RUVBL1: variants seen among roughly 807,000 people sequenced by gnomAD.
RUVBL1 encodes RuvB like AAA ATPase 1.
Under a neutral mutation model 52.4 loss-of-function variants are expected in RUVBL1, and 4 were observed. The observed-to-expected ratio is 0.08, with a 90% CI of 0.04 to 0.17. RUVBL1 has a LOEUF of 0.17. Among genes scored for constraint, RUVBL1 ranks in the 10% least tolerant of loss-of-function variants. The pLI, the probability that RUVBL1 is intolerant of heterozygous loss-of-function variation, is 1.00. For synonymous variants in RUVBL1, 217 were observed against 214.4 expected (o/e 1.01, Z -0.10); for missense variants, 298 against 572.8 (o/e 0.52, Z 4.90).
chr3:128,068,538 C>T (rs1942054316), intron 9 of RUVBL1: 1 of 160,998 alleles, frequency 6.2e-6, no homozygotes, highest in African/African-American at 2.4e-5. Context: ...TGATGTGCAT[C>T]TGAAGCAGGG....
At chr3:128,119,691 C>T (rs1273544323) in intron 1 of RUVBL1, among the ~76,000 whole-genome samples, 2 of 152,156 alleles carry the variant, frequency 1.3e-5, no homozygotes, top group Admixed American at 1.3e-4. Flanking sequence ...TGAGAGAGAA[C>T]GAGTGGCTAG....
chr3:128,105,570 C>T (rs1943212365), intron 3 of RUVBL1, among the ~76,000 whole-genome samples: 1 of 152,120 alleles, frequency 6.6e-6, no homozygotes, highest in African/African-American at 2.4e-5. Context: ...TATTCTATTC[C>T]ACCAGAACAG....
intron 1 of RUVBL1, among the ~76,000 whole-genome samples, chr3:128,136,891 C>T (rs1025645346): frequency 1.3e-5 from 2 of 152,078 alleles, no homozygotes; most frequent in South Asian, 2.1e-4. Flanking sequence ...ATCCAACATT[C>T]GATCACCACA....
intron 1 of RUVBL1, among the ~76,000 whole-genome samples, chr3:128,123,251 CTATCT>C (rs1272105663): frequency 1.3e-5 from 2 of 152,118 alleles, no homozygotes; most frequent in African/African-American, 2.4e-5. Context: ...ATGTAAGCTC[CTATCT>C]TAATTCCCGC....
intron 9 of RUVBL1, chr3:128,066,704 G>GTT (rs1388844850): frequency 1.9e-6 from 1 of 537,380 alleles, no homozygotes; most frequent in East Asian, 3.1e-5. Flanking sequence ...GATTACAGGT[G>GTT]TAAGTCACCA....
chr3:128,072,863 G>A (rs947274662), intron 9 of RUVBL1, among the ~76,000 whole-genome samples: 1 of 152,184 alleles, frequency 6.6e-6, no homozygotes, highest in Non-Finnish European at 1.5e-5. Flanking sequence ...GGCAGGCCCT[G>A]GTGTCTCTCC....
chr3:128,149,629 G>C (rs1944156256), intron 1 of RUVBL1, among the ~76,000 whole-genome samples: 1 of 152,036 alleles, frequency 6.6e-6, no homozygotes, highest in African/African-American at 2.4e-5. Context: ...ACTTTCCTTG[G>C]GGCCCAAAAG....
upstream of RUVBL1, among the ~76,000 whole-genome samples, chr3:128,125,936 G>T (rs72970111): frequency 8.7e-4 from 133 of 152,290 alleles, 1 homozygote; most frequent in African/African-American, 3.1e-3. Context: ...TAAGGAAAAA[G>T]ACTTTTTTTA....
upstream of RUVBL1, among the ~76,000 whole-genome samples, chr3:128,125,005 C>CTT (rs749620135): frequency 0.53 from 32,711 of 61,184 alleles, 13,986 homozygotes; most frequent in Non-Finnish European, 0.63. Context: ...CTCACACCGC[C>CTT]TTTTTTTTTT....
chr3:128,076,827 G>A (rs867576169), downstream of RUVBL1, among the ~76,000 whole-genome samples: 1 of 152,074 alleles, frequency 6.6e-6, no homozygotes, highest in Non-Finnish European at 1.5e-5. The surrounding 1 kb of genome is among the most constrained non-coding windows in gnomAD (Gnocchi z 6.8). Flanking sequence ...CGTGCCGTGT[G>A]CGGCGTCCCA....
chr3:128,098,839 C>T (rs1258047665), intron 7 of RUVBL1, 43 bp downstream of exon 7: 3 of 1,573,620 alleles, frequency 1.9e-6, no homozygotes, highest in Non-Finnish European at 2.6e-6. Flanking sequence ...ATGTGGGGCC[C>T]TCCGCCCTGC....
intron 8 of RUVBL1, among the ~76,000 whole-genome samples, chr3:128,089,519 C>T (rs1328398763): frequency 1.3e-5 from 2 of 152,150 alleles, no homozygotes; most frequent in African/African-American, 4.8e-5. Context: ...GTTTCAAAAA[C>T]AAGTAAGCAT....
Position 128,081,510 on chromosome 3 carries a change from C to T in RUVBL1, c.1212-101G>A. Reference sequence around the variant, plus strand: ...CAGCACTGGCACCAGGAGCAGAGCCCAGTGCTGGGCTTGTGCCAGCTGCTA... The same window carrying T: ...CAGCACTGGCACCAGGAGCAGAGCCTAGTGCTGGGCTTGTGCCAGCTGCTA... On this transcript the variant is annotated intron_variant, in intron 10 of 10. Coordinates refer to ENST00000322623, the MANE Select transcript of RUVBL1 (RefSeq NM_003707.3). The surrounding 1 kb of genome is among the most constrained non-coding windows in gnomAD (Gnocchi z 4.8). 2 of 1,248,024 alleles carry T rather than the reference C, an allele frequency of 1.6e-6. No homozygotes were observed. Among genetic ancestry groups the T allele is most frequent in the South Asian group, 1.5e-5 (1 of 67,164 alleles). 77.3% of individuals were successfully genotyped at this position (1,248,024 alleles called of 1,614,324 possible).
Position 128,081,259 on chromosome 3 carries a change from G to A in RUVBL1, c.1362C>T (p.Tyr454=), listed in dbSNP as rs1181963261. The A allele has an allele frequency of 6.2e-7, 1 of 1,614,084 alleles. No individual in the cohort carries two copies. The highest frequency in any genetic ancestry group is 2.2e-5 in the East Asian group (1 of 44,888). ...AKILADQQDK[Y]MK ...GAAAACCTCAGCCATCTCACTTCAT[G>A]TACTTATCCTGCTGGTCAGCCAGGA... Residue 454 remains tyrosine (Y), a synonymous_variant, in exon 11 of 11, where the codon TAC becomes TAT. Coordinates refer to ENST00000322623, the MANE Select transcript of RUVBL1 (RefSeq NM_003707.3). The surrounding 1 kb of genome is among the most constrained non-coding windows in gnomAD (Gnocchi z 4.8).
At chr3:128,128,954 T>C (rs538965239) in intron 1 of RUVBL1, among the ~76,000 whole-genome samples, 1 of 152,278 alleles carries the variant, frequency 6.6e-6, no homozygotes, top group South Asian at 2.1e-4. Context: ...ACCTTCCTTT[T>C]CTTGTATTTC....
upstream of RUVBL1, among the ~76,000 whole-genome samples, chr3:128,127,426 T>C (rs1943809096): frequency 6.6e-6 from 1 of 152,160 alleles, no homozygotes; most frequent in Admixed American, 6.5e-5. Context: ...TCCCACGACC[T>C]TTGCTCTTTC....
chr3:128,094,229 T>C (rs918104601), intron 8 of RUVBL1, among the ~76,000 whole-genome samples: 14 of 152,188 alleles, frequency 9.2e-5, no homozygotes, highest in Non-Finnish European at 1.8e-4. Context: ...AATTTTTCCA[T>C]GTGGGAACCA....
chr3:128,143,173 A>ATTTT (rs35634913), intron 1 of RUVBL1, among the ~76,000 whole-genome samples: 14 of 133,132 alleles, frequency 1.1e-4, no homozygotes, highest in African/African-American at 3.1e-4. Flanking sequence ...ACCCTTATCT[A>ATTTT]TTTTTTTTTT....
downstream of RUVBL1, among the ~76,000 whole-genome samples, chr3:128,077,060 C>T (rs990319513): frequency 7.2e-5 from 11 of 151,894 alleles, no homozygotes; most frequent in East Asian, 1.6e-3. Flanking sequence ...CGCTGCGCGC[C>T]GCCCATTGAT....
Sources: allele counts gnomAD v4.1 joint callset (sites outside exome capture counted in the v4.1 genomes callset), GRCh38; gene constraint gnomAD v4.1.1; non-coding constraint Gnocchi (gnomAD v3.1); transcripts MANE v1.5; gene names NCBI Gene and HGNC (gene_info 2026-07-23, HGNC 2026-07-21).